The following RPS6KC1 variants were observed in gnomAD, a reference collection of about 807,000 sequenced individuals.
RPS6KC1 encodes inactive ribosomal protein S6 kinase delta-1.
A neutral mutation model predicts 103.8 loss-of-function variants in RPS6KC1; 54 were observed. The ratio of observed to expected loss-of-function variants is 0.52; its 90% CI spans 0.42 to 0.65. The LOEUF is 0.65. Ranked by LOEUF, RPS6KC1 falls within the 30% of genes least tolerant of loss-of-function variation. RPS6KC1 has a pLI of 0.00. For missense variants in RPS6KC1, 1,151 were observed against 1,253.8 expected, an observed-to-expected ratio of 0.92 and a Z score of 1.24; for synonymous variants, 439 against 438.7, an observed-to-expected ratio of 1.00 and a Z score of -0.01.
In RPS6KC1 at chr1:213,144,330, C is replaced by G. The variant is rs181803444; in HGVS notation, c.835+14441C>G. Among the ~76,000 whole-genome samples the G allele has an allele frequency of 1.5e-3, 230 of 152,158 alleles. 1 individual carries two copies. Among genetic ancestry groups the G allele is most frequent in the African/African-American group, 5.4e-3 (224 of 41,542 alleles). On this transcript the variant is annotated intron_variant, in intron 6 of 14. Transcript: ENST00000366960. ...TTGCCTTGTTGCTCAGGCTGGAGTA[C>G]AGTGGCACAATCATAGCTCACTGCA...
At chr1:213,307,963 C>A in the RPS6KC1 span, among the ~76,000 whole-genome samples, 1 of 152,130 alleles carries the variant, frequency 6.6e-6, no homozygotes. Context: ...AGGTCTGTGC[C>A]AGCCTTGAGT....
chr1:213,431,527 A>G, the RPS6KC1 span, among the ~76,000 whole-genome samples: 10 of 152,110 alleles, frequency 6.6e-5, no homozygotes, highest in African/African-American at 9.7e-5. Context: ...ATTATTCAGT[A>G]TATATTCTTT....
the RPS6KC1 span, among the ~76,000 whole-genome samples, chr1:213,545,816 C>T: frequency 1.3e-5 from 2 of 152,162 alleles, no homozygotes; most frequent in African/African-American, 2.4e-5. Flanking sequence ...CTTCCCCCAC[C>T]CACCAACTAT....
the RPS6KC1 span, among the ~76,000 whole-genome samples, chr1:213,439,671 G>A: frequency 6.6e-6 from 1 of 152,186 alleles, no homozygotes; most frequent in Non-Finnish European, 1.5e-5. Flanking sequence ...GCAAGGAAAT[G>A]AGAACATGGG....
downstream of RPS6KC1, among the ~76,000 whole-genome samples, chr1:213,276,346 T>TTAAACTCTGGTATATC (rs2095112406): frequency 1.3e-5 from 2 of 152,224 alleles, no homozygotes; most frequent in South Asian, 4.1e-4. Flanking sequence ...AGGACTTGAT[T>TTAAACTCTGGTATATC]TAAACTCTGG....
At chr1:213,760,789 AGG>A in the RPS6KC1 span, among the ~76,000 whole-genome samples, 1 of 151,428 alleles carries the variant, frequency 6.6e-6, no homozygotes, top group Non-Finnish European at 1.5e-5. Context: ...ACTAATACTA[AGG>A]CTGAGCAGGA....
At chr1:213,138,382 A>G (rs1488345225) in intron 6 of RPS6KC1, among the ~76,000 whole-genome samples, 1 of 151,970 alleles carries the variant, frequency 6.6e-6, no homozygotes, top group African/African-American at 2.4e-5. Flanking sequence ...TTTAGGTTCA[A>G]GGGGTATATG....
intron 1 of RPS6KC1, among the ~76,000 whole-genome samples, chr1:213,066,526 A>G (rs1400566398): frequency 6.6e-6 from 1 of 152,220 alleles, no homozygotes; most frequent in African/African-American, 2.4e-5. Context: ...TGTATATTGC[A>G]TAATAATCAT....
chr1:213,520,176 G>A, the RPS6KC1 span, among the ~76,000 whole-genome samples: 2 of 152,140 alleles, frequency 1.3e-5, no homozygotes, highest in East Asian at 1.9e-4. Flanking sequence ...ATAAAGACAT[G>A]TCTGAGACTG....
chr1:213,256,113 A>G (rs1233527512), intron 12 of RPS6KC1, among the ~76,000 whole-genome samples: 2 of 152,238 alleles, frequency 1.3e-5, no homozygotes, highest in Non-Finnish European at 1.5e-5. Flanking sequence ...TAAAGATGAC[A>G]TTCAGCCTAG....
intron 6 of RPS6KC1, 101 bp from the exon 7 acceptor site, chr1:213,167,757 G>T: frequency 3.6e-6 from 2 of 553,138 alleles, no homozygotes; most frequent in South Asian, 3.8e-5. Context: ...CTTCTTTTTT[G>T]TTAGAAATGT....
the RPS6KC1 span, among the ~76,000 whole-genome samples, chr1:213,324,593 C>CTT: frequency 2.8e-3 from 229 of 81,816 alleles, 6 homozygotes; most frequent in African/African-American, 8.3e-3. Flanking sequence ...GCTCGATATG[C>CTT]TTTTTTTTTT....
chr1:213,726,178 T>C, the RPS6KC1 span, among the ~76,000 whole-genome samples: 3 of 152,280 alleles, frequency 2.0e-5, no homozygotes, highest in African/African-American at 4.8e-5. Flanking sequence ...TTTGACCTCC[T>C]GGGCTCAGGC....
intron 8 of RPS6KC1, among the ~76,000 whole-genome samples, chr1:213,205,571 A>ATATAT (rs2093326778): frequency 1.9e-5 from 1 of 52,220 alleles, no homozygotes; most frequent in Non-Finnish European, 4.4e-5. Flanking sequence ...TATATATTTC[A>ATATAT]AAAGAATGTA....
the RPS6KC1 span, among the ~76,000 whole-genome samples, chr1:213,481,311 C>T: frequency 6.6e-6 from 1 of 152,106 alleles, no homozygotes; most frequent in Non-Finnish European, 1.5e-5. Flanking sequence ...TAGGTGGAAA[C>T]AAGGCTCTTT....
At chr1:213,259,187 C>T (rs117201084) in intron 12 of RPS6KC1, among the ~76,000 whole-genome samples, 1 of 152,180 alleles carries the variant, frequency 6.6e-6, no homozygotes, top group Non-Finnish European at 1.5e-5. Context: ...TTCCAACAAG[C>T]CTGAATGTTT....
chr1:213,475,971 T>G, the RPS6KC1 span, among the ~76,000 whole-genome samples: 1 of 152,230 alleles, frequency 6.6e-6, no homozygotes, highest in Non-Finnish European at 1.5e-5. Flanking sequence ...TGGAGTGGCC[T>G]GGGGCAACAT....
At chr1:213,707,781 C>A in the RPS6KC1 span, among the ~76,000 whole-genome samples, 2 of 152,162 alleles carry the variant, frequency 1.3e-5, no homozygotes, top group African/African-American at 4.8e-5. Flanking sequence ...TTTCTCAACA[C>A]CATTTATTAA....
the RPS6KC1 span, among the ~76,000 whole-genome samples, chr1:213,327,040 C>CTTTTTTTTTTTTT: frequency 5.1e-5 from 7 of 136,826 alleles, no homozygotes; most frequent in Non-Finnish European, 8.0e-5. Context: ...TTTTCTTTTT[C>CTTTTTTTTTTTTT]TTTTTTTTTT....
Sources: allele counts gnomAD v4.1 joint callset (sites outside exome capture counted in the v4.1 genomes callset), GRCh38; gene constraint gnomAD v4.1.1; transcripts MANE v1.5; gene names NCBI Gene and HGNC (gene_info 2026-07-23, HGNC 2026-07-21).